CELF4: variants seen among roughly 807,000 people sequenced by gnomAD.
CELF4 encodes CUG-BP- and ETR-3-like factor 4.
CELF4 carries 18 observed loss-of-function variants against 59.9 expected under a neutral mutation model. The observed-to-expected ratio is 0.30, with a 90% confidence interval of 0.21 to 0.45. The LOEUF (loss-of-function observed/expected upper bound fraction) is 0.45, where lower values mean the gene tolerates loss of function less well. Ranked by LOEUF, CELF4 falls within the 20% of genes least tolerant of loss-of-function variation. The pLI, the probability that CELF4 is intolerant of heterozygous loss-of-function variation, is 1.00. For synonymous variants in CELF4, 261 were observed against 267.1 expected, an observed-to-expected ratio of 0.98 and a Z score of 0.22; for missense variants, 456 against 689.0, an observed-to-expected ratio of 0.66 and a Z score of 3.79.
chr18:37,544,603 G>A (rs1324689094), intron 1 of CELF4, among the ~76,000 whole-genome samples: 1 of 152,228 alleles, frequency 6.6e-6, no homozygotes, highest in African/African-American at 2.4e-5. Context: ...GTGCTTGTAC[G>A]TATGTATGTG....
At chr18:37,511,970 C>T (rs971594074) in intron 1 of CELF4, among the ~76,000 whole-genome samples, 20 of 151,820 alleles carry the variant, frequency 1.3e-4, no homozygotes, top group Admixed American at 5.3e-4. Flanking sequence ...GGGGCAGCCA[C>T]GACTGCAGTT....
intron 1 of CELF4, among the ~76,000 whole-genome samples, chr18:37,487,038 C>G (rs2099882693): frequency 6.6e-6 from 1 of 152,202 alleles, no homozygotes; most frequent in East Asian, 1.9e-4. Flanking sequence ...AGGCTCTGTG[C>G]CAGACCTCGT....
intron 2 of CELF4, among the ~76,000 whole-genome samples, chr18:37,346,222 T>C (rs987205381): frequency 6.6e-6 from 1 of 152,226 alleles, no homozygotes; most frequent in Non-Finnish European, 1.5e-5. Context: ...CTAGTGCAGC[T>C]GCATTCCGGC....
intron 1 of CELF4, among the ~76,000 whole-genome samples, chr18:37,497,627 C>T (rs1021275159): frequency 6.9e-6 from 1 of 144,370 alleles, no homozygotes; most frequent in African/African-American, 2.6e-5. Flanking sequence ...GCTCCAGCCT[C>T]GATGACAGAA....
intron 2 of CELF4, among the ~76,000 whole-genome samples, chr18:37,386,739 G>T (rs2099103548): frequency 6.6e-6 from 1 of 152,166 alleles, no homozygotes; most frequent in Admixed American, 6.5e-5. Context: ...TAACTGTTAT[G>T]GTCCTAAATA....
intron 2 of CELF4, among the ~76,000 whole-genome samples, chr18:37,454,721 A>C (rs1239218384): frequency 1.3e-5 from 2 of 152,212 alleles, no homozygotes; most frequent in South Asian, 2.1e-4. Flanking sequence ...CACTTTGTTT[A>C]ATTAACTATC....
Position 37,515,410 on chromosome 18 carries a change from C to T in CELF4, c.287-29803G>A, listed in dbSNP as rs112726509. ...CTGCCAGTGCTTTCCTTGAGGATCCCATCCTATCAAGGGTCTTTCTCCCTT... is the reference window on the plus strand; with the variant it reads ...CTGCCAGTGCTTTCCTTGAGGATCCTATCCTATCAAGGGTCTTTCTCCCTT... On this transcript the variant is annotated intron_variant, in intron 1 of 12. Transcript: ENST00000420428. 3.3e-3 allele frequency among the ~76,000 whole-genome samples: 502 copies of T among 152,314 alleles called. 2 individuals carry two copies. Among genetic ancestry groups the T allele is most frequent in the African/African-American group, 0.012 (485 of 41,568 alleles).
intron 2 of CELF4, among the ~76,000 whole-genome samples, chr18:37,413,841 G>A (rs2099497990): frequency 6.6e-6 from 1 of 152,192 alleles, no homozygotes; most frequent in Admixed American, 6.5e-5. Flanking sequence ...ATGGTGGTCT[G>A]GAGACCCAGG....
At chr18:37,405,474 G>C (rs1272201240) in intron 2 of CELF4, among the ~76,000 whole-genome samples, 1 of 152,254 alleles carries the variant, frequency 6.6e-6, no homozygotes, top group East Asian at 1.9e-4. Flanking sequence ...TTCCTTCGAA[G>C]AGGGGCTCTG....
intron 1 of CELF4, among the ~76,000 whole-genome samples, chr18:37,503,836 T>A (rs1388597477): frequency 6.6e-6 from 1 of 152,108 alleles, no homozygotes; most frequent in Admixed American, 6.5e-5. Context: ...TCCTTCAAGG[T>A]CCCTGTTCCA....
At chr18:37,467,914 A>T (rs1384754418) in intron 2 of CELF4, among the ~76,000 whole-genome samples, 1 of 152,154 alleles carries the variant, frequency 6.6e-6, no homozygotes, top group African/African-American at 2.4e-5. Flanking sequence ...TTATATGTTC[A>T]CATCACCTGT....
intron 3 of CELF4, among the ~76,000 whole-genome samples, chr18:37,308,146 C>T (rs192432888): frequency 6.6e-6 from 1 of 152,144 alleles, no homozygotes; most frequent in African/African-American, 2.4e-5. Flanking sequence ...TCTGGATGGT[C>T]CCTCTAATTC....
intron 2 of CELF4, among the ~76,000 whole-genome samples, chr18:37,338,001 A>G (rs1407502348): frequency 4.1e-5 from 6 of 148,094 alleles, no homozygotes; most frequent in Non-Finnish European, 6.0e-5. Context: ...TGTCATCACT[A>G]CTGTCACTGC....
intron 2 of CELF4, among the ~76,000 whole-genome samples, chr18:37,440,494 C>T (rs2099709143): frequency 6.6e-6 from 1 of 152,198 alleles, no homozygotes; most frequent in Non-Finnish European, 1.5e-5. Context: ...AGGAGCATTT[C>T]CTCCATGTCA....
intron 3 of CELF4, among the ~76,000 whole-genome samples, chr18:37,321,435 C>T (rs1603464363): frequency 6.6e-6 from 1 of 152,212 alleles, no homozygotes; most frequent in East Asian, 1.9e-4. Context: ...ACAGCTGTGA[C>T]CACTTCTTGT....
At chr18:37,270,175 G>A (rs1344181342) in intron 8 of CELF4, among the ~76,000 whole-genome samples, 1 of 108,860 alleles carries the variant, frequency 9.2e-6, no homozygotes, top group East Asian at 2.7e-4. Context: ...GGATCTTTCC[G>A]TGTGCCAGAC....
In CELF4 at chr18:37,275,263, T is replaced by C. The variant is rs766221914; in HGVS notation, c.449-20A>G. 6.2e-7 allele frequency: 1 copy of C among 1,611,968 alleles called. No individual in the cohort carries two copies. Among genetic ancestry groups the C allele is most frequent in the Non-Finnish European group, 8.5e-7 (1 of 1,179,274 alleles). ...TATCTTCTAGAACAAAATTAGGAGA[T>C]GCTTACCCGGGCCAGGGACCGGGCT... is the stretch of plus-strand genomic sequence containing the variant. On this transcript the variant is annotated intron_variant, in intron 3 of 12. Transcript: ENST00000420428.
At chr18:37,335,429 T>C (rs533176764) in intron 2 of CELF4, among the ~76,000 whole-genome samples, 10 of 151,958 alleles carry the variant, frequency 6.6e-5, no homozygotes, top group Non-Finnish European at 1.3e-4. Context: ...GTGTTGCATG[T>C]GCAAATGCAT....
chr18:37,366,619 A>G (rs2154562770), intron 2 of CELF4, among the ~76,000 whole-genome samples: 1 of 152,068 alleles, frequency 6.6e-6, no homozygotes, highest in East Asian at 1.9e-4. Flanking sequence ...AGCCTGGGAG[A>G]AGGTGGAGTT....
Sources: gnomAD v4.1 joint callset for allele counts (sites outside exome capture counted in the v4.1 genomes callset) on GRCh38, gnomAD v4.1.1 for gene constraint, MANE v1.5 for transcripts, NCBI Gene and HGNC (gene_info 2026-07-23, HGNC 2026-07-21) for gene names.